The following ABHD2 variants were observed in gnomAD, a reference collection of about 807,000 sequenced individuals.
ABHD2 encodes monoacylglycerol lipase ABHD2.
Under a neutral mutation model 48.1 loss-of-function variants are expected in ABHD2, and 20 were observed. The observed-to-expected ratio is 0.42, with a 90% CI of 0.29 to 0.60. ABHD2 has a LOEUF of 0.60. Among genes scored for constraint, ABHD2 ranks in the 20% least tolerant of loss-of-function variants. The pLI is 0.24. For missense variants in ABHD2, 405 were observed against 550.9 expected, an observed-to-expected ratio of 0.74 and a Z score of 2.65; for synonymous variants, 209 against 214.2, an observed-to-expected ratio of 0.98 and a Z score of 0.21.
In ABHD2 at chr15:89,175,879, C is replaced by T. The variant is rs1279474200; in HGVS notation, c.606C>T (p.Val202=). The change falls in exon 6 of 11, where the codon GTC becomes GTT. Residue 202 remains valine, a synonymous_variant. Transcript: ENST00000352732. The surrounding 1 kb of genome is among the most constrained non-coding windows in gnomAD (Gnocchi z 5.7). ...IKKTYPLTQL[V]VVGFSLGGNI... is the part of the protein sequence containing the mutation. ...AGACATATCCCCTGACCCAGCTGGT[C>T]GTCGTGGGCTTCAGCCTGGGTGGTA... The T allele has an allele frequency of 2.5e-6, 4 of 1,614,034 alleles. No individual in the cohort carries two copies. Among genetic ancestry groups the T allele is most frequent in the East Asian group, 2.2e-5 (1 of 44,864 alleles).
chr15:89,107,377 C>G (rs2049802797), intron 1 of ABHD2, among the ~76,000 whole-genome samples: 1 of 151,944 alleles, frequency 6.6e-6, no homozygotes, highest in South Asian at 2.1e-4. Flanking sequence ...TGGAGGAGGC[C>G]CAAGCAGTTA....
intron 3 of ABHD2, among the ~76,000 whole-genome samples, chr15:89,144,172 C>T (rs1187004025): frequency 2.0e-5 from 3 of 152,058 alleles, no homozygotes; most frequent in Non-Finnish European, 4.4e-5. Context: ...CTCACTCTGT[C>T]GCCCAGGCTT....
the ABHD2 span, among the ~76,000 whole-genome samples, chr15:89,050,264 G>A: frequency 3.3e-5 from 5 of 152,108 alleles, no homozygotes; most frequent in South Asian, 2.1e-4. Flanking sequence ...GTCATGGGGC[G>A]GGGGTCACTT....
chr15:89,086,845 T>C (rs1479739785), upstream of ABHD2, among the ~76,000 whole-genome samples: 1 of 152,236 alleles, frequency 6.6e-6, no homozygotes, highest in African/African-American at 2.4e-5. Flanking sequence ...ACGATGGGGT[T>C]CATCACTAAG....
chr15:89,108,310 G>T (rs2049819529), intron 1 of ABHD2, among the ~76,000 whole-genome samples: 1 of 152,166 alleles, frequency 6.6e-6, no homozygotes, highest in Non-Finnish European at 1.5e-5. Flanking sequence ...GCCATCCTTG[G>T]CATTGCTTGC....
the ABHD2 span, among the ~76,000 whole-genome samples, chr15:89,081,212 A>G: frequency 7.7e-6 from 1 of 129,828 alleles, no homozygotes; most frequent in Admixed American, 8.5e-5. Flanking sequence ...TAGAGACAGG[A>G]TCTCACTGTA....
chr15:89,114,378 C>G lies in ABHD2; in HGVS notation c.-7+554C>G, dbSNP rs2049923086. Among the ~76,000 whole-genome samples the G allele has an allele frequency of 1.3e-5, 2 of 152,202 alleles. No homozygotes were observed. Among genetic ancestry groups the G allele is most frequent in the African/African-American group, 4.8e-5 (2 of 41,446 alleles). ...GATCCCACAGGGAACCCACAGACCC[C>G]AAGTTAAGGATCCTTGTTTTAGGGG... On this transcript the variant is annotated intron_variant, in intron 2 of 10. Transcript: ENST00000352732. This position sits in a 1 kb window ranked among gnomAD's most constrained non-coding sequence, Gnocchi z 4.2.
rs1410170986 is a variant in ABHD2 at position 89,100,652 on chromosome 15, G to A, written c.-107+12089G>A. On this transcript the variant is annotated intron_variant, in intron 1 of 10. Coordinates refer to ENST00000352732, the MANE Select transcript of ABHD2 (RefSeq NM_152924.5). This position sits in a 1 kb window ranked among gnomAD's most constrained non-coding sequence, Gnocchi z 4.4. ...TCGGAGGCTGAGGTGGGTGGATCAC[G>A]AGGTCAGGAGTTCGAGACCAGCCTG... Among the ~76,000 whole-genome samples, 1 of 152,204 alleles carries A rather than the reference G, an allele frequency of 6.6e-6. No individual in the cohort carries two copies. Among genetic ancestry groups the A allele is most frequent in the East Asian group, 1.9e-4 (1 of 5,184 alleles).
Position 89,176,155 on chromosome 15 carries a change from A to G in ABHD2, c.722+160A>G, listed in dbSNP as rs1467268335. Among the ~76,000 whole-genome samples the G allele has an allele frequency of 6.6e-6, 1 of 152,176 alleles. No individual in the cohort carries two copies. Among genetic ancestry groups the G allele is most frequent in the East Asian group, 1.9e-4 (1 of 5,200 alleles). On this transcript the variant is annotated intron_variant, in intron 6 of 10. Transcript: ENST00000352732. The surrounding 1 kb of genome is among the most constrained non-coding windows in gnomAD (Gnocchi z 4.5). ...TCACCTTGTTTTGTCTGCATATCATACATTGGAGATGCCCCATCAGACCCC... is the reference window on the plus strand; with the variant it reads ...TCACCTTGTTTTGTCTGCATATCATGCATTGGAGATGCCCCATCAGACCCC...
intron 3 of ABHD2, among the ~76,000 whole-genome samples, chr15:89,127,015 A>G (rs925384972): frequency 6.6e-6 from 1 of 152,222 alleles, no homozygotes; most frequent in African/African-American, 2.4e-5. Flanking sequence ...ACTTGATTTT[A>G]TGCATGATTG....
At chr15:89,109,712 C>A (rs1163299890) in intron 1 of ABHD2, among the ~76,000 whole-genome samples, 2 of 152,100 alleles carry the variant, frequency 1.3e-5, no homozygotes, top group Non-Finnish European at 2.9e-5. Flanking sequence ...TACCATAAAA[C>A]AAAATGCAGC....
intron 1 of ABHD2, chr15:89,090,192 T>A (rs1343772164): frequency 6.6e-6 from 1 of 152,240 alleles, no homozygotes; most frequent in Non-Finnish European, 1.5e-5. Flanking sequence ...AGTGCCTGGA[T>A]TTGAATCCCA....
At chr15:89,142,108 T>C (rs2050412582) in intron 3 of ABHD2, among the ~76,000 whole-genome samples, 1 of 152,202 alleles carries the variant, frequency 6.6e-6, no homozygotes, top group Admixed American at 6.5e-5. Context: ...AAGGCCCCAG[T>C]TGAAGTCTCA....
At chr15:89,051,068 A>G in the ABHD2 span, among the ~76,000 whole-genome samples, 2 of 152,188 alleles carry the variant, frequency 1.3e-5, no homozygotes, top group African/African-American at 4.8e-5. Flanking sequence ...CCCCATCTCT[A>G]CTAAAAATAC....
chr15:89,052,144 C>G, the ABHD2 span, among the ~76,000 whole-genome samples: 1,428 of 152,296 alleles, frequency 9.4e-3, 6 homozygotes, highest in Non-Finnish European at 0.014. Context: ...CTAGGTTACT[C>G]ATAGCATTAC....
At chr15:89,165,720 T>G (rs2050828529) in intron 5 of ABHD2, among the ~76,000 whole-genome samples, 1 of 152,160 alleles carries the variant, frequency 6.6e-6, no homozygotes, top group African/African-American at 2.4e-5. Flanking sequence ...TTTCTTGAAG[T>G]GTATTTATTA....
At position 89,177,290 on chromosome 15, in the gene ABHD2, A is replaced by G. The variant is rs771697421; in HGVS notation, c.722+1295A>G. The stretch of plus-strand genomic sequence containing the variant: ...GTGCCCAGCACGCAGAACGTAAGCC[A>G]CTGTTCATTTTCATTATCGTCATCA... On this transcript the variant is annotated intron_variant, in intron 6 of 10. Coordinates refer to ENST00000352732, the MANE Select transcript of ABHD2 (RefSeq NM_152924.5). This position sits in a 1 kb window ranked among gnomAD's most constrained non-coding sequence, Gnocchi z 5.6. 3.3e-5 allele frequency among the ~76,000 whole-genome samples: 5 copies of G among 152,336 alleles called. No homozygotes were observed. The highest frequency in any genetic ancestry group is 7.3e-5 in the Non-Finnish European group (5 of 68,030).
chr15:89,134,354 T>G (rs1007144151), intron 3 of ABHD2, among the ~76,000 whole-genome samples: 2 of 152,230 alleles, frequency 1.3e-5, no homozygotes, highest in African/African-American at 4.8e-5. Context: ...AACATAATTT[T>G]TTTCAAGACG....
At chr15:89,190,762 C>G (rs1175985388) in intron 8 of ABHD2, among the ~76,000 whole-genome samples, 1 of 152,170 alleles carries the variant, frequency 6.6e-6, no homozygotes, top group Non-Finnish European at 1.5e-5. Flanking sequence ...GAAGCTGAGG[C>G]TCAGATAAGT....
Sources: allele counts gnomAD v4.1 joint callset (sites outside exome capture counted in the v4.1 genomes callset), GRCh38; gene constraint gnomAD v4.1.1; non-coding constraint Gnocchi (gnomAD v3.1); transcripts MANE v1.5; gene names NCBI Gene and HGNC (gene_info 2026-07-23, HGNC 2026-07-21).